USP26: variants seen among roughly 807,000 people sequenced by gnomAD.
USP26 encodes the protein ubiquitin specific peptidase 26, also known as ubiquitin carboxyl-terminal hydrolase 26.
For synonymous variants in USP26, 236 were observed against 240.6 expected, an observed-to-expected ratio of 0.98 and a Z score of 0.18; for missense variants, 649 against 642.3, an observed-to-expected ratio of 1.01 and a Z score of -0.11.
intron 5 of USP26, among the ~76,000 whole-genome samples, chrX:133,054,575 G>A (rs2067469642): frequency 9.0e-6 from 1 of 111,342 alleles, no homozygotes; most frequent in African/African-American, 3.3e-5. Context: ...TGCATTATGG[G>A]CTTAGCTGGT....
chrX:133,044,446 G>A (rs2067430770), intron 5 of USP26, among the ~76,000 whole-genome samples: 1 of 113,380 alleles, frequency 8.8e-6, no homozygotes, highest in South Asian at 3.6e-4. Context: ...GGGTGGGCAT[G>A]GGCTTGGCAG....
chrX:133,051,477 C>T (rs1569510226), intron 5 of USP26, among the ~76,000 whole-genome samples: 1 of 112,094 alleles, frequency 8.9e-6, no homozygotes, highest in Non-Finnish European at 1.9e-5. Flanking sequence ...CTTATTTAAG[C>T]TATTGTAGCT....
intron 5 of USP26, among the ~76,000 whole-genome samples, chrX:133,043,534 C>A: frequency 8.9e-6 from 1 of 112,574 alleles, no homozygotes; most frequent in East Asian, 2.8e-4. Context: ...CCTTCACTGA[C>A]ATCTTTGCTT....
At position 133,026,872 on chromosome X, in the gene USP26, G is replaced by A; in HGVS notation, c.1349C>T (p.Ala450Val). ...LELLHSIACK[A>V]CGQVILKTEL... ...TGTCTTGAGAATAACCTGACCACAAGCTTTACAAGCAATGGAGTGCAACAA... is the reference window on the plus strand; with the variant it reads ...TGTCTTGAGAATAACCTGACCACAAACTTTACAAGCAATGGAGTGCAACAA... Residue 450 changes from alanine (A) to valine (V), a missense_variant, in exon 6 of 6, where the codon GCT becomes GTT. Coordinates refer to ENST00000511190, the MANE Select transcript of USP26 (RefSeq NM_031907.3). The A allele has an allele frequency of 3.3e-6, 4 of 1,211,182 alleles. No individual in the cohort carries two copies. The highest frequency in any genetic ancestry group is 4.5e-6 in the Non-Finnish European group (4 of 895,182).
intron 4 of USP26, among the ~76,000 whole-genome samples, chrX:133,087,156 A>T (rs1198727901): frequency 9.0e-6 from 1 of 111,007 alleles, no homozygotes; most frequent in Admixed American, 9.7e-5. Context: ...TGGAGACCTA[A>T]CTCTTGCTTA....
At chrX:133,081,383 G>A (rs943334223) in intron 5 of USP26, among the ~76,000 whole-genome samples, 3 of 50,216 alleles carry the variant, frequency 6.0e-5, no homozygotes, top group African/African-American at 3.8e-4. Context: ...TGCAACCTCC[G>A]CCTCCTGGAT....
intron 5 of USP26, among the ~76,000 whole-genome samples, chrX:133,046,515 A>G (rs2067440934): frequency 9.0e-6 from 1 of 111,429 alleles, no homozygotes; most frequent in Admixed American, 9.5e-5. Flanking sequence ...CAAAACCTAA[A>G]TCATACCTCT....
At chrX:133,034,253 C>T (rs2067388616) in intron 5 of USP26, among the ~76,000 whole-genome samples, 1 of 111,655 alleles carries the variant, frequency 9.0e-6, no homozygotes, top group African/African-American at 3.3e-5. Context: ...CGAGAGAAAC[C>T]ATAAAGTTGG....
intron 1 of USP26, among the ~76,000 whole-genome samples, chrX:133,096,809 C>T (rs951295195): frequency 2.7e-5 from 3 of 111,658 alleles, no homozygotes; most frequent in Non-Finnish European, 3.8e-5. Flanking sequence ...GCAGGAGAAT[C>T]GCTTAAACCC....
Position 133,058,255 on chromosome X carries a change from A to G in USP26, c.-77+25452T>C, listed in dbSNP as rs1356382681. ...GTTCCATGTGAGCTTGAGAATATGT[A>G]TGCTACTGTTGTCAAAGTAATCTAT... is the stretch of plus-strand genomic sequence containing the variant. On this transcript the variant is annotated intron_variant, in intron 5 of 5. Coordinates refer to ENST00000511190, the MANE Select transcript of USP26 (RefSeq NM_031907.3). 2.7e-5 allele frequency among the ~76,000 whole-genome samples: 3 copies of G among 110,592 alleles called. No individual in the cohort carries two copies. The Admixed American group carries it at 2.9e-4, about 11-fold the overall frequency.
intron 5 of USP26, among the ~76,000 whole-genome samples, chrX:133,032,278 G>C (rs2067380217): frequency 8.9e-6 from 1 of 111,773 alleles, no homozygotes; most frequent in Non-Finnish European, 1.9e-5. Context: ...TATATAGGGG[G>C]TTCTGGGAAG....
intron 5 of USP26, among the ~76,000 whole-genome samples, chrX:133,038,136 C>T (rs1343537873): frequency 4.5e-5 from 5 of 111,482 alleles, no homozygotes; most frequent in African/African-American, 1.6e-4. Flanking sequence ...TCTTCTCTTC[C>T]TATTTGAATG....
At chrX:133,039,451 T>G (rs1293109780) in intron 5 of USP26, among the ~76,000 whole-genome samples, 1 of 112,173 alleles carries the variant, frequency 8.9e-6, no homozygotes, top group South Asian at 3.7e-4. Context: ...CAGGTTGTTC[T>G]GTTTCCATGC....
intron 5 of USP26, among the ~76,000 whole-genome samples, chrX:133,057,650 T>A (rs1255969443): frequency 1.9e-5 from 2 of 106,708 alleles, no homozygotes; most frequent in Admixed American, 2.1e-4. Flanking sequence ...TTTTGCTACA[T>A]CCCTACAGAT....
chrX:133,054,902 T>C (rs375947101), intron 5 of USP26, among the ~76,000 whole-genome samples: 4 of 112,506 alleles, frequency 3.6e-5, no homozygotes, highest in African/African-American at 9.7e-5. Context: ...TTACATGTAC[T>C]ATTTATCAGC....
chrX:133,025,752 G>C lies in USP26; in HGVS notation c.2469C>G (p.Thr823=). The change falls in exon 6 of 6, where the codon ACC becomes ACG. Residue 823 remains threonine, a synonymous_variant. Coordinates refer to ENST00000511190, the MANE Select transcript of USP26 (RefSeq NM_031907.3). ...GGCTGACAACACTAATGAGCCGGTA[G>C]GTATGATCTCCCTTATCATCATTTC... The part of the protein sequence containing the change: ...TKRNDDKGDH[T]YRLISVVSHL... 1 of 1,208,665 alleles carries C rather than the reference G, an allele frequency of 8.3e-7. No individual in the cohort carries two copies. Among genetic ancestry groups the C allele is most frequent in the Non-Finnish European group, 1.1e-6 (1 of 892,825 alleles).
At chrX:133,046,099 A>G (rs1307611638) in intron 5 of USP26, among the ~76,000 whole-genome samples, 1 of 111,627 alleles carries the variant, frequency 9.0e-6, no homozygotes, top group Non-Finnish European at 1.9e-5. Flanking sequence ...CTCATCCCCA[A>G]AAAGCCTTGC....
At chrX:133,095,093 C>CA (rs35394795) in intron 1 of USP26, among the ~76,000 whole-genome samples, 22,865 of 51,057 alleles carry the variant, frequency 0.45, 4,634 homozygotes, top group Non-Finnish European at 0.6. Context: ...AGACTCTTGT[C>CA]AAAAAAAAAA....
rs1214368365 is a variant in USP26, at chrX:133,025,665, C to T, written c.2556G>A (p.Gln852=). The T allele has an allele frequency of 9.1e-6, 11 of 1,209,919 alleles. No individual in the cohort carries two copies. The highest frequency in any genetic ancestry group is 1.7e-5 in the African/African-American group (1 of 57,173). Residue 852 remains glutamine (Q), a synonymous_variant, in exon 6 of 6, where the codon CAG becomes CAA. Transcript: ENST00000511190. ...GCATATCATCGTAAGTGAACCAGAT[C>T]TGTTTCTCAAAGTCATAGGCATCAC... ...YICDAYDFEK[Q]IWFTYDDMRV...
Sources: allele counts gnomAD v4.1 joint callset (sites outside exome capture counted in the v4.1 genomes callset), GRCh38; gene constraint gnomAD v4.1.1; transcripts MANE v1.5; gene names NCBI Gene and HGNC (gene_info 2026-07-23, HGNC 2026-07-21).